ZNF385B: variants seen among roughly 807,000 people sequenced by gnomAD.
ZNF385B encodes zinc finger protein 385B.
In ZNF385B, 23 loss-of-function variants were observed where a neutral mutation model predicts 39.2. The observed-to-expected ratio is 0.59, with a 90% CI of 0.42 to 0.83. ZNF385B has a LOEUF of 0.83. Among genes scored for constraint, ZNF385B ranks in the 40% least tolerant of loss-of-function variants. The pLI, the probability that ZNF385B is intolerant of heterozygous loss-of-function variation, is 0.00. For synonymous variants in ZNF385B, 205 were observed against 222.6 expected, an observed-to-expected ratio of 0.92 and a Z score of 0.70; for missense variants, 552 against 598.9, an observed-to-expected ratio of 0.92 and a Z score of 0.82.
chr2:179,629,882 G>A (rs904413680), intron 3 of ZNF385B, among the ~76,000 whole-genome samples: 5 of 152,234 alleles, frequency 3.3e-5, no homozygotes, highest in African/African-American at 4.8e-5. Flanking sequence ...CTGGCTCAGC[G>A]GGTCCCACAC....
rs574993017 is a variant in ZNF385B at position 179,465,700 on chromosome 2, C to T, written c.715+17572G>A. On this transcript the variant is annotated intron_variant, in intron 6 of 9. Coordinates refer to ENST00000410066, the MANE Select transcript of ZNF385B (RefSeq NM_152520.6). ...CTCATTTTAGGCCCTAATCTATTCT[C>T]TCTGGATTACCATGAAATTTCTTTA... 2.0e-4 allele frequency among the ~76,000 whole-genome samples: 30 copies of T among 152,218 alleles called. No individual in the cohort carries two copies. The South Asian group carries it at 4.4e-3, about 22-fold the overall frequency.
chr2:179,646,755 T>C (rs934907580), intron 3 of ZNF385B, among the ~76,000 whole-genome samples: 2 of 152,228 alleles, frequency 1.3e-5, no homozygotes, highest in Non-Finnish European at 2.9e-5. Context: ...AGTTTAAATG[T>C]CATGAATAAA....
intron 1 of ZNF385B, among the ~76,000 whole-genome samples, chr2:179,832,371 C>CTACA (rs1274207582): frequency 2.6e-5 from 4 of 152,266 alleles, no homozygotes; most frequent in Admixed American, 2.6e-4. Flanking sequence ...ATGCATCAGA[C>CTACA]TACAGTATAA....
chr2:179,480,346 C>T (rs546623746), intron 6 of ZNF385B, among the ~76,000 whole-genome samples: 1 of 152,302 alleles, frequency 6.6e-6, no homozygotes, highest in African/African-American at 2.4e-5. Flanking sequence ...TTATCACAGT[C>T]ACCATTCCTC....
intron 3 of ZNF385B, among the ~76,000 whole-genome samples, chr2:179,725,910 G>GTGTA (rs1263421880): frequency 1.7e-4 from 23 of 138,832 alleles, no homozygotes; most frequent in African/African-American, 5.6e-4. Context: ...GTTTGTGTGT[G>GTGTA]TATATATATA....
At position 179,708,237 on chromosome 2, in the gene ZNF385B, G is replaced by A. The variant is rs556167170; in HGVS notation, c.298+61266C>T. On this transcript the variant is annotated intron_variant, in intron 3 of 9. Coordinates refer to ENST00000410066, the MANE Select transcript of ZNF385B (RefSeq NM_152520.6). ...GGATCACAGGGGTGGTTTCCCCCAC[G>A]CTGTTCTCTTGATAGTGAGTGTTTG... Among the ~76,000 whole-genome samples the A allele has an allele frequency of 9.2e-5, 14 of 152,286 alleles. No homozygotes were observed. The East Asian group carries it at 2.5e-3, about 27-fold the overall frequency.
In ZNF385B at chr2:179,443,435, G is replaced by C. The variant is rs773636262; in HGVS notation, c.1276C>G (p.Pro426Ala). 11 of 1,608,006 alleles carry C rather than the reference G, an allele frequency of 6.8e-6. No individual in the cohort carries two copies. Among genetic ancestry groups the C allele is most frequent in the Admixed American group, 3.4e-5 (2 of 59,028 alleles). ...KLAFQKDMMK[P>A]LAPAFLSSPL... Reference sequence around the variant, plus strand: ...GAGGACAGGAAGGCTGGGGCCAAAGGCTTCATCATATCTTTCTGGAATGCA... The same window carrying C: ...GAGGACAGGAAGGCTGGGGCCAAAGCCTTCATCATATCTTTCTGGAATGCA... The change falls in exon 10 of 10, where the codon CCT (proline) becomes GCT (alanine). Residue 426 changes from proline (P) to alanine (A), a missense_variant. Physicochemically the swap from Pro to Ala is conservative, Grantham distance 27. Coordinates refer to ENST00000410066, the MANE Select transcript of ZNF385B (RefSeq NM_152520.6).
At chr2:179,762,173 T>C (rs138689527) in intron 3 of ZNF385B, among the ~76,000 whole-genome samples, 253 of 152,094 alleles carry the variant, frequency 1.7e-3, no homozygotes, top group African/African-American at 5.8e-3. Flanking sequence ...AGCTTGTTGA[T>C]ATGGTAGATT....
chr2:179,450,196 G>C lies in ZNF385B; in HGVS notation c.716-3426C>G, dbSNP rs547335780. 1.6e-3 allele frequency among the ~76,000 whole-genome samples: 240 copies of C among 151,982 alleles called. 2 individuals are homozygous for C. The highest frequency in any genetic ancestry group is 4.9e-3 in the African/African-American group (204 of 41,466). ...CCATTCAGGACATAGGCATGGGCAA[G>C]GACTTCATGTCTAAAACACCAAAAG... On this transcript the variant is annotated intron_variant, in intron 6 of 9. Transcript: ENST00000410066.
intron 1 of ZNF385B, among the ~76,000 whole-genome samples, chr2:179,841,728 C>T (rs1161707078): frequency 6.6e-6 from 1 of 152,152 alleles, no homozygotes; most frequent in Non-Finnish European, 1.5e-5. Flanking sequence ...CCATTGAGAG[C>T]CACTGGTTTA....
chr2:179,635,805 G>A (rs1235170962), intron 3 of ZNF385B, among the ~76,000 whole-genome samples: 2 of 152,014 alleles, frequency 1.3e-5, no homozygotes, highest in Non-Finnish European at 2.9e-5. Flanking sequence ...ATATGAGAAA[G>A]ATAATTCAGT....
intron 1 of ZNF385B, among the ~76,000 whole-genome samples, chr2:179,815,776 G>T (rs1575543243): frequency 6.6e-6 from 1 of 152,038 alleles, no homozygotes; most frequent in East Asian, 1.9e-4. Flanking sequence ...ACACATTTAG[G>T]AATCCTTCAT....
chr2:179,525,426 A>C (rs1210626949), intron 4 of ZNF385B, among the ~76,000 whole-genome samples: 1 of 152,174 alleles, frequency 6.6e-6, no homozygotes, highest in African/African-American at 2.4e-5. Context: ...TCCTCATTAT[A>C]ACTGTTGGGT....
intron 3 of ZNF385B, among the ~76,000 whole-genome samples, chr2:179,616,496 G>C (rs1488980140): frequency 1.3e-5 from 2 of 151,846 alleles, no homozygotes; most frequent in East Asian, 3.9e-4. Flanking sequence ...ACCACGCCGG[G>C]CTAATTTTTT....
chr2:179,444,145 G>A (rs1179010981), intron 9 of ZNF385B, among the ~76,000 whole-genome samples: 1 of 152,200 alleles, frequency 6.6e-6, no homozygotes, highest in Non-Finnish European at 1.5e-5. Flanking sequence ...TTGCAAGCTG[G>A]ATTTGCTTAA....
At chr2:179,837,740 CTT>C (rs2106609643) in intron 1 of ZNF385B, among the ~76,000 whole-genome samples, 1 of 152,290 alleles carries the variant, frequency 6.6e-6, no homozygotes, top group South Asian at 2.1e-4. Context: ...CATTATCTTA[CTT>C]AGACACAACA....
intron 3 of ZNF385B, among the ~76,000 whole-genome samples, chr2:179,548,441 C>A (rs2060368857): frequency 6.7e-6 from 1 of 149,290 alleles, no homozygotes; most frequent in Admixed American, 6.7e-5. Context: ...TTTAATATAA[C>A]AACTTTATTG....
intron 5 of ZNF385B, among the ~76,000 whole-genome samples, chr2:179,504,757 A>G (rs893120475): frequency 1.3e-5 from 2 of 151,958 alleles, no homozygotes; most frequent in Non-Finnish European, 2.9e-5. Flanking sequence ...ATGTATACAT[A>G]TGTAACAAAC....
At chr2:179,455,688 G>C (rs72968267) in intron 6 of ZNF385B, among the ~76,000 whole-genome samples, 1 of 151,688 alleles carries the variant, frequency 6.6e-6, no homozygotes, top group East Asian at 1.9e-4. Context: ...GTCAGTATGA[G>C]ACCAGCCTGG....
Sources: gnomAD v4.1 joint callset for allele counts (sites outside exome capture counted in the v4.1 genomes callset) on GRCh38, gnomAD v4.1.1 for gene constraint, MANE v1.5 for transcripts, NCBI Gene and HGNC (gene_info 2026-07-23, HGNC 2026-07-21) for gene names.